ZNF333: variants seen among roughly 807,000 people sequenced by gnomAD.
The protein encoded by ZNF333 is zinc finger protein 333.
In ZNF333, 61 loss-of-function variants were observed where a neutral mutation model predicts 76.1. The observed-to-expected ratio is 0.80, with a 90% confidence interval of 0.65 to 0.99. ZNF333 has a LOEUF of 0.99. Among genes scored for constraint, ZNF333 ranks in the 50% least tolerant of loss-of-function variants. The pLI, the probability that ZNF333 is intolerant of heterozygous loss-of-function variation, is 0.00. For synonymous variants in ZNF333, 284 were observed against 305.0 expected (o/e 0.93, Z 0.72); for missense variants, 717 against 822.4 (o/e 0.87, Z 1.57).
chr19:14,692,802 C>T (rs1042178706), intron 1 of ZNF333, among the ~76,000 whole-genome samples: 2 of 150,254 alleles, frequency 1.3e-5, no homozygotes, highest in Non-Finnish European at 2.9e-5. Flanking sequence ...CATGAGCCAC[C>T]GTGCTTGACC....
In ZNF333 at chr19:14,695,100, A is replaced by T. The variant is rs1269800553; in HGVS notation, c.94A>T (p.Met32Leu). Residue 32 changes from methionine (M) to leucine (L), a missense_variant, in exon 3 of 12, where the codon ATG becomes TTG. By Grantham distance (15) the Met-to-Leu change is conservative. Transcript: ENST00000292530. Reference sequence around the variant, plus strand: ...ACGGAGGAGCCTGTGCAAATACAGGATGCTTGACCAGTGCAGGACCCTGGC... The same window carrying T: ...ACGGAGGAGCCTGTGCAAATACAGGTTGCTTGACCAGTGCAGGACCCTGGC... ...SARRSLCKYR[M>L]LDQCRTLASR... The T allele has an allele frequency of 6.2e-7, 1 of 1,614,082 alleles. No individual in the cohort carries two copies. The highest frequency in any genetic ancestry group is 8.5e-7 in the Non-Finnish European group (1 of 1,179,962).
At chr19:14,723,449 T>C (rs2042613999), downstream of ZNF333, among the ~76,000 whole-genome samples, 1 of 152,266 alleles carries the variant, frequency 6.6e-6, no homozygotes, top group Non-Finnish European at 1.5e-5. Context: ...TGGATATTTT[T>C]CTGTTTCTGC....
intron 9 of ZNF333, among the ~76,000 whole-genome samples, chr19:14,716,641 A>G (rs982848721): frequency 3.3e-5 from 5 of 152,338 alleles, no homozygotes; most frequent in African/African-American, 1.2e-4. Context: ...GTGGTGAAAA[A>G]AAAGATAATT....
chr19:14,728,046 C>T (rs1380204568), intron 11 of ZNF333, among the ~76,000 whole-genome samples: 1 of 152,148 alleles, frequency 6.6e-6, no homozygotes, highest in Non-Finnish European at 1.5e-5. Flanking sequence ...CACGGTGAAA[C>T]CCCATCTCTA....
At chr19:14,714,436 C>T (rs1460130487) in intron 7 of ZNF333, among the ~76,000 whole-genome samples, 2 of 152,204 alleles carry the variant, frequency 1.3e-5, no homozygotes, top group Non-Finnish European at 2.9e-5. Context: ...TGTCGATGGC[C>T]GCCACCAGAA....
downstream of ZNF333, among the ~76,000 whole-genome samples, chr19:14,725,638 C>A (rs1191639610): frequency 1.3e-5 from 2 of 152,212 alleles, no homozygotes; most frequent in African/African-American, 4.8e-5. Context: ...AAGAAAAAGG[C>A]AACAGACCTC....
downstream of ZNF333, among the ~76,000 whole-genome samples, chr19:14,726,458 G>A (rs1568566048): frequency 6.6e-6 from 1 of 152,300 alleles, no homozygotes; most frequent in East Asian, 1.9e-4. Flanking sequence ...CCCCGAAAAT[G>A]CTCTTTCCTT....
At chr19:14,716,545 C>T (rs556804404) in intron 9 of ZNF333, among the ~76,000 whole-genome samples, 4 of 152,182 alleles carry the variant, frequency 2.6e-5, no homozygotes, top group Non-Finnish European at 4.4e-5. Context: ...AGACATGAGC[C>T]ACTGTGCCTG....
intron 11 of ZNF333, among the ~76,000 whole-genome samples, chr19:14,728,222 T>A (rs2524362): frequency 0.32 from 49,306 of 151,730 alleles, 8,399 homozygotes; most frequent in Middle Eastern, 0.48. Flanking sequence ...CAAAAAAAAA[T>A]TTTTTTTTCA....
At chr19:14,702,829 C>A (rs533152453) in intron 5 of ZNF333, among the ~76,000 whole-genome samples, 1 of 152,074 alleles carries the variant, frequency 6.6e-6, no homozygotes, top group Non-Finnish European at 1.5e-5. Context: ...TACAACATGG[C>A]GGCAGGGGAC....
chr19:14,726,352 C>A (rs1016811957), downstream of ZNF333, among the ~76,000 whole-genome samples: 1 of 152,128 alleles, frequency 6.6e-6, no homozygotes, highest in African/African-American at 2.4e-5. Context: ...CCTTCAAAGC[C>A]TTTTTCCTTT....
Position 14,721,132 on chromosome 19 carries a change from GTATGT to G in ZNF333, c.*1808_*1812del. 1 of 302,110 alleles carries G rather than the reference GTATGT, an allele frequency of 3.3e-6. No homozygotes were observed. Among genetic ancestry groups the G allele is most frequent in the Non-Finnish European group, 4.9e-6 (1 of 205,806 alleles). The allele number at this position is 302,110 out of a possible 1,614,324, so 18.7% of individuals were successfully genotyped here. A position where few individuals can be genotyped will look rare whatever the true frequency, so the allele number is the denominator to read the frequency against. On this transcript the variant is annotated 3_prime_UTR_variant, in exon 12 of 12. Coordinates refer to ENST00000292530, the MANE Select transcript of ZNF333 (RefSeq NM_032433.4). ...TTAGTCCTCACACTGACACTTTGAG[GTATGT>G]ACTGTTATCCCCAATTCCCAGATGA...
chr19:14,720,790 C>T lies in ZNF333; in HGVS notation c.*1465C>T, dbSNP rs764696771. On this transcript the variant is annotated 3_prime_UTR_variant, in exon 12 of 12. Transcript: ENST00000292530. Reference sequence around the variant, plus strand: ...CATCTACACATTTATAAATGTTGATCTGTGATCTAGCATTTATTGAGAGAG... The same window carrying T: ...CATCTACACATTTATAAATGTTGATTTGTGATCTAGCATTTATTGAGAGAG... 3.0e-6 allele frequency: 3 copies of T among 984,642 alleles called. No individual in the cohort carries two copies. The highest frequency in any genetic ancestry group is 3.6e-6 in the Non-Finnish European group (3 of 829,256). 61.0% of individuals were successfully genotyped at this position (984,642 alleles called of 1,614,324 possible).
chr19:14,716,306 T>G, intron 9 of ZNF333, 68 bp downstream of exon 9: 3 of 1,539,600 alleles, frequency 1.9e-6, no homozygotes, highest in Non-Finnish European at 2.6e-6. Context: ...TTGCCTAGGC[T>G]GGAGTGTGAT....
chr19:14,697,272 A>G (rs1973273051), intron 4 of ZNF333, among the ~76,000 whole-genome samples: 1 of 151,526 alleles, frequency 6.6e-6, no homozygotes, highest in Non-Finnish European at 1.5e-5. Flanking sequence ...TCATCAGTTG[A>G]TAGACAGTTG....
At chr19:14,703,554 A>G (rs1372359649) in intron 5 of ZNF333, among the ~76,000 whole-genome samples, 1 of 152,126 alleles carries the variant, frequency 6.6e-6, no homozygotes, top group East Asian at 1.9e-4. Flanking sequence ...GAAAATTTTG[A>G]TTACTTGTAT....
chr19:14,699,283 TAAG>T lies in ZNF333; in HGVS notation c.306+4_306+6del. 1 of 1,613,338 alleles carries T rather than the reference TAAG, an allele frequency of 6.2e-7. No homozygotes were observed. The highest frequency in any genetic ancestry group is 8.5e-7 in the Non-Finnish European group (1 of 1,179,512). Reference sequence around the variant, plus strand: ...GCATCCTCCAGGGACATGCAAATGGTAAGATGCACGGGGTTTTCCCCGGCTCCC... The same window carrying T: ...GCATCCTCCAGGGACATGCAAATGGTATGCACGGGGTTTTCCCCGGCTCCC... On this transcript the variant is annotated splice_donor_5th_base_variant and intron_variant, in intron 5 of 11. Coordinates refer to ENST00000292530, the MANE Select transcript of ZNF333 (RefSeq NM_032433.4).
intron 6 of ZNF333, chr19:14,706,158 C>G: frequency 2.2e-6 from 1 of 457,612 alleles, no homozygotes; most frequent in Non-Finnish European, 4.4e-6. Context: ...GACTCCAGTT[C>G]TGCTCCTGAC....
At chr19:14,701,824 G>T (rs1179027212) in intron 5 of ZNF333, 5 of 985,378 alleles carry the variant, frequency 5.1e-6, no homozygotes, top group Non-Finnish European at 6.0e-6. Context: ...GGCAGAGGAG[G>T]TCCACCTATG....
Sources: gnomAD v4.1 joint callset for allele counts (sites outside exome capture counted in the v4.1 genomes callset) on GRCh38, gnomAD v4.1.1 for gene constraint, MANE v1.5 for transcripts, NCBI Gene and HGNC (gene_info 2026-07-23, HGNC 2026-07-21) for gene names.